The following ZNF484 variants were observed in gnomAD, a reference collection of about 807,000 sequenced individuals.
ZNF484 encodes the protein zinc finger protein 484.
Under a neutral mutation model 12.9 loss-of-function variants are expected in ZNF484, and 11 were observed. That is an observed-to-expected ratio of 0.85 (90% CI 0.54 to 1.41). The LOEUF (loss-of-function observed/expected upper bound fraction) is 1.41. ZNF484 is among the 40% of genes most tolerant of loss of function. The pLI, the probability that ZNF484 is intolerant of heterozygous loss-of-function variation, is 0.00. For synonymous variants in ZNF484, 289 were observed against 334.1 expected (o/e 0.86, Z 1.47); for missense variants, 807 against 1,007.7 (o/e 0.80, Z 2.70).
intron 4 of ZNF484, among the ~76,000 whole-genome samples, chr9:92,854,976 A>G (rs1856349077): frequency 6.6e-6 from 1 of 152,194 alleles, no homozygotes; most frequent in East Asian, 1.9e-4. Flanking sequence ...TAAATATCCC[A>G]GAAATTCAAG....
chr9:92,856,089 G>T, intron 3 of ZNF484, 103 bp downstream of exon 3: 1 of 1,505,398 alleles, frequency 6.6e-7, no homozygotes, highest in Non-Finnish European at 9.0e-7. Context: ...GTCTTTAGAA[G>T]TCCCACATAC....
rs1855727991 is a variant in ZNF484, at chr9:92,847,469, A to G, written c.1318T>C (p.Tyr440His). 6.2e-7 allele frequency: 1 copy of G among 1,612,570 alleles called. No individual in the cohort carries two copies. Among genetic ancestry groups the G allele is most frequent in the Non-Finnish European group, 8.5e-7 (1 of 1,179,558 alleles). Residue 440 changes from tyrosine to histidine, a missense_variant, in exon 5 of 5, where the codon TAT becomes CAT. By Grantham distance (83) the Tyr-to-His change is moderately conservative. Coordinates refer to ENST00000375495, the MANE Select transcript of ZNF484 (RefSeq NM_031486.4). ...HERIHTGEKP[Y>H]ECSDCGKSFI... ...GATTTCCCACAGTCACTGCATTCAT[A>G]GGGTTTTTCTCCAGTATGAATTCTT...
intron 1 of ZNF484, among the ~76,000 whole-genome samples, chr9:92,877,385 T>C (rs1450445555): frequency 6.6e-6 from 1 of 152,072 alleles, no homozygotes; most frequent in East Asian, 1.9e-4. Context: ...ATGAATGATA[T>C]ATAAATATAA....
chr9:92,862,262 G>A (rs1856824810), intron 2 of ZNF484: 2 of 434,970 alleles, frequency 4.6e-6, no homozygotes, highest in Non-Finnish European at 3.1e-6. Context: ...TATTTACTAA[G>A]CAAGATGTTG....
intron 4 of ZNF484, among the ~76,000 whole-genome samples, chr9:92,849,727 G>C (rs573056398): frequency 6.6e-6 from 1 of 152,082 alleles, no homozygotes; most frequent in Non-Finnish European, 1.5e-5. Flanking sequence ...GGTGTTTGAA[G>C]CTGCAGTGAG....
chr9:92,845,133 T>G lies in ZNF484; in HGVS notation c.*1095A>C, dbSNP rs1855509612. 2 of 152,120 alleles carry G rather than the reference T, an allele frequency of 1.3e-5. No individual in the cohort carries two copies. Among genetic ancestry groups the G allele is most frequent in the Admixed American group, 1.3e-4 (2 of 15,272 alleles). The allele number at this position is 152,120 out of a possible 1,614,324, so 9.4% of individuals were successfully genotyped here. On this transcript the variant is annotated 3_prime_UTR_variant, in exon 5 of 5. Transcript: ENST00000375495. This position sits in a 1 kb window ranked among gnomAD's most constrained non-coding sequence, Gnocchi z 4.0. ...AAAAAGAAACATCTAATAATGATAA[T>G]GTGTCAATTAACCAGGAAGATTACA...
chr9:92,854,578 G>A (rs1329323884), intron 4 of ZNF484, among the ~76,000 whole-genome samples: 1 of 152,074 alleles, frequency 6.6e-6, no homozygotes, highest in Non-Finnish European at 1.5e-5. Context: ...TTAGCTGGGT[G>A]CAGTGGCGGG....
chr9:92,847,913 A>ACTT lies in ZNF484; in HGVS notation c.871_873dup (p.Lys291dup). Reference sequence around the variant, plus strand: ...ACCCTCTGACTGCCATCAAGCTGGGACTTCTGAGTGAAGACTGCCTCACAT... The same window carrying ACTT: ...ACCCTCTGACTGCCATCAAGCTGGGACTTCTTCTGAGTGAAGACTGCCTCACAT... On this transcript the variant is annotated inframe_insertion, in exon 5 of 5. Coordinates refer to ENST00000375495, the MANE Select transcript of ZNF484 (RefSeq NM_031486.4). 1 of 1,614,178 alleles carries ACTT rather than the reference A, an allele frequency of 6.2e-7. No individual in the cohort carries two copies. Among genetic ancestry groups the ACTT allele is most frequent in the Non-Finnish European group, 8.5e-7 (1 of 1,180,024 alleles).
chr9:92,846,957 G>C lies in ZNF484; in HGVS notation c.1830C>G (p.Cys610Trp). 6.2e-7 allele frequency: 1 copy of C among 1,613,902 alleles called. No homozygotes were observed. The highest frequency in any genetic ancestry group is 8.5e-7 in the Non-Finnish European group (1 of 1,179,970). The change falls in exon 5 of 5, where the codon TGC becomes TGG. Residue 610 changes from cysteine (C) to tryptophan (W), a missense_variant. By Grantham distance (215) the Cys-to-Trp change is radical. Transcript: ENST00000375495. Reference sequence around the variant, plus strand: ...TAGTGAAGGATTTCCCACAAATACTGCATTCATAGGGTTTCTCTCCAGTAT... The same window carrying C: ...TAGTGAAGGATTTCCCACAAATACTCCATTCATAGGGTTTCTCTCCAGTAT... ...RIHTGEKPYE[C>W]SICGKSFTKK...
In ZNF484 at chr9:92,847,211, A is replaced by G. The variant is rs752133028; in HGVS notation, c.1576T>C (p.Cys526Arg). 1 of 1,614,102 alleles carries G rather than the reference A, an allele frequency of 6.2e-7. No individual in the cohort carries two copies. Among genetic ancestry groups the G allele is most frequent in the Admixed American group, 1.7e-5 (1 of 60,016 alleles). Residue 526 changes from cysteine (C) to arginine (R), a missense_variant, in exon 5 of 5, where the codon TGC (cysteine) becomes CGC (arginine). Cys to Arg is a radical substitution (Grantham distance 180). Transcript: ENST00000375495. ...KIHTGEKPYK[C>R]SDCGKSFTWK... ...GTGAATGATTTTCCACAGTCGCTGC[A>G]TTTATAAGGTTTCTCTCCAGTATGA...
chr9:92,846,916 TG>T lies in ZNF484; in HGVS notation c.1870del (p.His624ThrfsTer84). The T allele has an allele frequency of 6.2e-7, 1 of 1,613,956 alleles. No individual in the cohort carries two copies. The highest frequency in any genetic ancestry group is 8.5e-7 in the Non-Finnish European group (1 of 1,179,958). On this transcript the variant is annotated frameshift_variant, in exon 5 of 5. Coordinates refer to ENST00000375495, the MANE Select transcript of ZNF484 (RefSeq NM_031486.4). LOFTEE classifies it low-confidence loss of function (END_TRUNC). ...TCCTGTGTGAATCTGCTGATGTACGTGGAGCTGTGATTTCTTAGTGAAGGAT... is the reference window on the plus strand; with the variant it reads ...TCCTGTGTGAATCTGCTGATGTACGTGAGCTGTGATTTCTTAGTGAAGGAT... ...GKSFTKKSQL[H>X]VHQQIHTGEK...
chr9:92,851,894 C>T (rs958775069), intron 4 of ZNF484, among the ~76,000 whole-genome samples: 4 of 152,220 alleles, frequency 2.6e-5, no homozygotes, highest in African/African-American at 9.6e-5. Context: ...AAAAGGTACT[C>T]TGAACCACTC....
Position 92,847,754 on chromosome 9 carries a change from T to C in ZNF484, c.1033A>G (p.Arg345Gly), listed in dbSNP as rs375230184. ...RAFIQKSDLF[R>G]CQRIHSGEKP... ...TCTCCAGAATGAATTCTCTGGCATC[T>C]GAACAGATCTGACTTCTGGATAAAG... The change falls in exon 5 of 5, where the codon AGA (arginine) becomes GGA (glycine). Residue 345 changes from arginine to glycine, a missense_variant. Coordinates refer to ENST00000375495, the MANE Select transcript of ZNF484 (RefSeq NM_031486.4). 1.2e-6 allele frequency: 2 copies of C among 1,613,954 alleles called. No homozygotes were observed. Among genetic ancestry groups the C allele is most frequent in the Admixed American group, 1.7e-5 (1 of 60,022 alleles).
At chr9:92,859,820 C>G (rs1454586085) in intron 2 of ZNF484, among the ~76,000 whole-genome samples, 1 of 152,164 alleles carries the variant, frequency 6.6e-6, no homozygotes. Context: ...TGAAAGGATA[C>G]AGATCAAAAT....
chr9:92,844,670 AC>A lies in ZNF484; in HGVS notation c.*1557del, dbSNP rs1855487711. 6.6e-6 allele frequency among the ~76,000 whole-genome samples: 1 copy of A among 152,208 alleles called. No individual in the cohort carries two copies. The highest frequency in any genetic ancestry group is 2.4e-5 in the African/African-American group (1 of 41,460). ...ATCATCAAAATACTAATAGAAAACA[AC>A]TTTCAACTTAGAATTCTATATTCAG... On this transcript the variant is annotated 3_prime_UTR_variant, in exon 5 of 5. Transcript: ENST00000375495.
chr9:92,867,936 A>G (rs1857205070), intron 2 of ZNF484, among the ~76,000 whole-genome samples: 1 of 152,204 alleles, frequency 6.6e-6, no homozygotes, highest in Non-Finnish European at 1.5e-5. Flanking sequence ...GTAGTCTTAG[A>G]GACGCCTAAA....
chr9:92,868,150 A>G (rs1350446480), intron 2 of ZNF484, among the ~76,000 whole-genome samples: 7 of 152,222 alleles, frequency 4.6e-5, no homozygotes, highest in Non-Finnish European at 8.8e-5. Context: ...TGGAGACTCT[A>G]CAGGACAATC....
chr9:92,874,342 G>A (rs1403825938), intron 2 of ZNF484, among the ~76,000 whole-genome samples: 2 of 140,674 alleles, frequency 1.4e-5, no homozygotes, highest in Non-Finnish European at 3.0e-5. Context: ...ACAGAGTTTC[G>A]CTCTTGTTGC....
Position 92,846,446 on chromosome 9 carries a change from A to G in ZNF484, c.2341T>C (p.Cys781Arg). 6.2e-7 allele frequency: 1 copy of G among 1,614,126 alleles called. No homozygotes were observed. Among genetic ancestry groups the G allele is most frequent in the Non-Finnish European group, 8.5e-7 (1 of 1,180,006 alleles). The change falls in exon 5 of 5, where the codon TGT (cysteine) becomes CGT (arginine). Residue 781 changes from cysteine to arginine, a missense_variant. Cys to Arg is a radical substitution (Grantham distance 180). Coordinates refer to ENST00000375495, the MANE Select transcript of ZNF484 (RefSeq NM_031486.4). ...TGEKPYICAECGKAFTIRSNL... is the reference protein window; with the variant it reads ...TGEKPYICAERGKAFTIRSNL... ...GATCTGATGGTGAAGGCCTTTCCACACTCAGCACATATATATGGTTTCTCT... is the reference window on the plus strand; with the variant it reads ...GATCTGATGGTGAAGGCCTTTCCACGCTCAGCACATATATATGGTTTCTCT...
Sources: allele counts gnomAD v4.1 joint callset (sites outside exome capture counted in the v4.1 genomes callset), GRCh38; gene constraint gnomAD v4.1.1; non-coding constraint Gnocchi (gnomAD v3.1); transcripts MANE v1.5; gene names NCBI Gene and HGNC (gene_info 2026-07-23, HGNC 2026-07-21).